The following ADARB2 variants were observed in gnomAD, a reference collection of about 807,000 sequenced individuals.
ADARB2 encodes the protein inactive double-stranded RNA-specific editase B2.
A neutral mutation model predicts 62.2 loss-of-function variants in ADARB2; 25 were observed. The ratio of observed to expected loss-of-function variants is 0.40; its 90% confidence interval spans 0.29 to 0.56. The LOEUF (loss-of-function observed/expected upper bound fraction) is 0.56. ADARB2 is among the 20% of genes least tolerant of loss of function. ADARB2 has a pLI of 0.43. For missense variants in ADARB2, 1,071 were observed against 1,077.4 expected, an observed-to-expected ratio of 0.99 and a Z score of 0.08; for synonymous variants, 572 against 500.8, an observed-to-expected ratio of 1.14 and a Z score of -1.90.
chr10:1,285,262 T>A (rs1330630230), intron 3 of ADARB2, among the ~76,000 whole-genome samples: 1 of 151,454 alleles, frequency 6.6e-6, no homozygotes, highest in African/African-American at 2.4e-5. Flanking sequence ...CAGTCTTTCA[T>A]GCCTCCCAGG....
chr10:1,378,645 G>C (rs1832455348), intron 2 of ADARB2, among the ~76,000 whole-genome samples: 1 of 152,068 alleles, frequency 6.6e-6, no homozygotes, highest in Non-Finnish European at 1.5e-5. Context: ...GTGAGGATGA[G>C]ACTGCAGGTG....
intron 3 of ADARB2, among the ~76,000 whole-genome samples, chr10:1,349,890 G>A (rs1208413711): frequency 2.6e-5 from 4 of 152,016 alleles, no homozygotes; most frequent in African/African-American, 9.7e-5. Flanking sequence ...TTGGTGGCAG[G>A]TCAATTGTGG....
At chr10:1,688,009 C>A (rs1834617808) in intron 1 of ADARB2, among the ~76,000 whole-genome samples, 1 of 152,338 alleles carries the variant, frequency 6.6e-6, no homozygotes, top group Admixed American at 6.5e-5. Flanking sequence ...CTTATAATAT[C>A]ATTTCTCCTC....
At chr10:1,341,218 C>T (rs1360801886) in intron 3 of ADARB2, among the ~76,000 whole-genome samples, 5 of 150,586 alleles carry the variant, frequency 3.3e-5, no homozygotes, top group African/African-American at 7.3e-5. Flanking sequence ...CAGAGAACCA[C>T]GTGCCCCACA....
At chr10:1,333,646 C>T (rs1285689766) in intron 3 of ADARB2, among the ~76,000 whole-genome samples, 2 of 152,022 alleles carry the variant, frequency 1.3e-5, no homozygotes, top group African/African-American at 2.4e-5. Flanking sequence ...AAAAAGCATG[C>T]AGAAAGGAGG....
At chr10:1,584,741 T>C (rs2132003239) in intron 1 of ADARB2, among the ~76,000 whole-genome samples, 1 of 152,312 alleles carries the variant, frequency 6.6e-6, no homozygotes, top group African/African-American at 2.4e-5. Flanking sequence ...ATCCAGATCA[T>C]GGCATATTAT....
At chr10:1,308,270 T>C (rs1162324017) in intron 3 of ADARB2, among the ~76,000 whole-genome samples, 10 of 152,158 alleles carry the variant, frequency 6.6e-5, no homozygotes, top group Non-Finnish European at 1.2e-4. Flanking sequence ...TCATACAACA[T>C]GTATGCTTTC....
At chr10:1,211,469 A>G (rs1448060321) in intron 7 of ADARB2, among the ~76,000 whole-genome samples, 1 of 152,168 alleles carries the variant, frequency 6.6e-6, no homozygotes, top group Non-Finnish European at 1.5e-5. Context: ...ATGACGTGGA[A>G]TGAGACAAGG....
intron 1 of ADARB2, among the ~76,000 whole-genome samples, chr10:1,540,458 C>A (rs1422614378): frequency 2.0e-5 from 3 of 151,364 alleles, no homozygotes; most frequent in East Asian, 2.0e-4. Context: ...ACCCCATGAT[C>A]ACAGCCGCCC....
At chr10:1,435,210 G>C (rs1301200313) in intron 1 of ADARB2, among the ~76,000 whole-genome samples, 1 of 152,232 alleles carries the variant, frequency 6.6e-6, no homozygotes, top group Non-Finnish European at 1.5e-5. Context: ...TGGCTGGGGG[G>C]CTGGGAGCAG....
chr10:1,675,883 A>T, intron 1 of ADARB2: 3 of 745,798 alleles, frequency 4.0e-6, no homozygotes, highest in Non-Finnish European at 4.9e-6. Flanking sequence ...CTCAGCTCTG[A>T]GTGGCAGCTC....
chr10:1,506,887 C>T (rs1464005899), intron 1 of ADARB2, among the ~76,000 whole-genome samples: 1 of 152,186 alleles, frequency 6.6e-6, no homozygotes, highest in Non-Finnish European at 1.5e-5. Flanking sequence ...GCCCTGGTTT[C>T]GTCCCTCTCC....
At chr10:1,320,854 T>C (rs1313716866) in intron 3 of ADARB2, among the ~76,000 whole-genome samples, 1 of 152,342 alleles carries the variant, frequency 6.6e-6, no homozygotes, top group East Asian at 1.9e-4. Flanking sequence ...TTAAGCACTG[T>C]AATAAAACAT....
chr10:1,380,810 T>C (rs557333999), intron 1 of ADARB2, among the ~76,000 whole-genome samples: 46 of 152,326 alleles, frequency 3.0e-4, no homozygotes, highest in African/African-American at 1.1e-3. Context: ...GAGAATGAAA[T>C]ATCTTGCTTG....
Position 1,690,306 on chromosome 10 carries a change from C to T in ADARB2, c.100+46745G>A, listed in dbSNP as rs1347213110. On this transcript the variant is annotated intron_variant, in intron 1 of 9. Coordinates refer to ENST00000381312, the MANE Select transcript of ADARB2 (RefSeq NM_018702.4). ...TGATACCTAATTAAATGTGAACAAG[C>T]CGTTTTGGATGTTAGCAACTTATGA... is the stretch of plus-strand genomic sequence containing the variant. 2.6e-5 allele frequency among the ~76,000 whole-genome samples: 4 copies of T among 152,126 alleles called. No homozygotes were observed. In the East Asian group the frequency reaches 7.7e-4, roughly 29 times the overall value.
At chr10:1,308,767 TAGC>T in intron 3 of ADARB2, among the ~76,000 whole-genome samples, 1 of 152,208 alleles carries the variant, frequency 6.6e-6, no homozygotes, top group Non-Finnish European at 1.5e-5. Flanking sequence ...TGTGGGTGAT[TAGC>T]AGGTCAGGGA....
chr10:1,663,915 G>A (rs1008878489), intron 1 of ADARB2, among the ~76,000 whole-genome samples: 2 of 152,170 alleles, frequency 1.3e-5, no homozygotes, highest in African/African-American at 4.8e-5. Context: ...ACCACGCCTG[G>A]CCAGGTCATT....
At chr10:1,274,831 G>C (rs1831299081) in intron 3 of ADARB2, among the ~76,000 whole-genome samples, 1 of 152,218 alleles carries the variant, frequency 6.6e-6, no homozygotes, top group Non-Finnish European at 1.5e-5. Context: ...CTTGACCCTT[G>C]CACTGAACTG....
At position 1,302,962 on chromosome 10, in the gene ADARB2, T is replaced by G. The variant is rs1449697303; in HGVS notation, c.1078-31893A>C. The stretch of plus-strand genomic sequence containing the variant: ...ACAGAAAAACTGGAAACTCTAAAAA[T>G]CAGAGCGCCTCTCCTCCTCCAAAGG... On this transcript the variant is annotated intron_variant, in intron 3 of 9. Transcript: ENST00000381312. Among the ~76,000 whole-genome samples the G allele has an allele frequency of 2.6e-5, 4 of 152,130 alleles. No individual in the cohort carries two copies. The South Asian group carries it at 6.2e-4, about 24-fold the overall frequency.
Sources: allele counts gnomAD v4.1 joint callset (sites outside exome capture counted in the v4.1 genomes callset), GRCh38; gene constraint gnomAD v4.1.1; transcripts MANE v1.5; gene names NCBI Gene and HGNC (gene_info 2026-07-23, HGNC 2026-07-21).